The following IRGM variants were observed in gnomAD, a reference collection of about 807,000 sequenced individuals.
The protein encoded by IRGM is immunity related GTPase M.
For synonymous variants in IRGM, 98 were observed against 80.6 expected, an observed-to-expected ratio of 1.22 and a Z score of -1.16; for missense variants, 288 against 219.9, an observed-to-expected ratio of 1.31 and a Z score of -1.96.
chr5:150,864,910 C>T lies in IRGM; in HGVS notation c.159-13070C>T, dbSNP rs186811786. 4.0e-3 allele frequency among the ~76,000 whole-genome samples: 614 copies of T among 152,320 alleles called. 8 individuals carry two copies. The highest frequency in any genetic ancestry group is 0.014 in the African/African-American group (574 of 41,570). ...CTGGATGACTGATTATTGCTCTTGA[C>T]GATGGGCGTGTCCTGATGCTTCATG... On this transcript the variant is annotated intron_variant and NMD_transcript_variant, in intron 1 of 3. Coordinates refer to the IRGM transcript ENST00000520549.
At chr5:150,896,962 T>C (rs763118318) in intron 3 of IRGM, 7 of 1,608,686 alleles carry the variant, frequency 4.4e-6, no homozygotes, top group Non-Finnish European at 5.9e-6. Flanking sequence ...TTGTGAAGGT[T>C]ACTCTTCCTG....
rs1196540157 is a variant in IRGM, at chr5:150,847,258, GC to G, written c.-416+39del. On this transcript the variant is annotated intron_variant, in intron 1 of 1. Coordinates refer to ENST00000522154, the MANE Select transcript of IRGM (RefSeq NM_001145805.2). ...CAGGGATGATCACAGCTTCAAGTAA[GC>G]AATGGGAATTGGATGTTTTATGTCC... The G allele has an allele frequency of 3.9e-5, 6 of 152,540 alleles. No homozygotes were observed. In the East Asian group the frequency reaches 1.1e-3, roughly 29 times the overall value. The allele number at this position is 152,540 out of a possible 1,614,324, so 9.4% of individuals were successfully genotyped here. A position where few individuals can be genotyped will look rare whatever the true frequency, so the allele number is the denominator to read the frequency against.
chr5:150,878,692 T>C (rs1754401579), intron 2 of IRGM, among the ~76,000 whole-genome samples: 1 of 152,058 alleles, frequency 6.6e-6, no homozygotes, highest in Non-Finnish European at 1.5e-5. Flanking sequence ...CATCCAAATA[T>C]GTATATTTAT....
intron 3 of IRGM, among the ~76,000 whole-genome samples, chr5:150,900,363 G>T (rs1318257324): frequency 6.6e-6 from 1 of 151,926 alleles, no homozygotes; most frequent in Non-Finnish European, 1.5e-5. Flanking sequence ...TTTTACAAAT[G>T]CTGCTTCCTG....
At chr5:150,895,568 G>A (rs1370530283) in intron 3 of IRGM, 1 of 1,613,426 alleles carries the variant, frequency 6.2e-7, no homozygotes, top group Admixed American at 1.7e-5. Flanking sequence ...TCTGAGAAAA[G>A]GCCTTTCCAC....
intron 3 of IRGM, chr5:150,895,915 A>G: frequency 6.2e-7 from 1 of 1,613,472 alleles, no homozygotes; most frequent in Non-Finnish European, 8.5e-7. Context: ...GCTTCCTCAC[A>G]TTGAGCACAT....
chr5:150,851,835 A>G (rs1262334445), downstream of IRGM, among the ~76,000 whole-genome samples: 1 of 152,236 alleles, frequency 6.6e-6, no homozygotes, highest in African/African-American at 2.4e-5. Flanking sequence ...TGAATCTGGA[A>G]TTTGTGAAGT....
intron 3 of IRGM, chr5:150,895,222 A>G: frequency 2.0e-6 from 1 of 491,374 alleles, no homozygotes; most frequent in East Asian, 3.1e-5. Flanking sequence ...AAAGCTTTAC[A>G]TGCCATATTA....
At chr5:150,849,388 G>A (rs1196333541), downstream of IRGM, among the ~76,000 whole-genome samples, 3 of 152,070 alleles carry the variant, frequency 2.0e-5, no homozygotes, top group African/African-American at 7.2e-5. Context: ...TAACTTGCAA[G>A]TGACAAGAAA....
chr5:150,848,576 C>A lies in IRGM; in HGVS notation c.453C>A (p.Asp151Glu). ...FYIVWTKLDM[D>E]LSTGALPEVQ... The stretch of plus-strand genomic sequence containing the variant: ...TTGTCTGGACCAAGCTAGACATGGA[C>A]CTCAGCACAGGTGCCCTCCCAGAAG... Residue 151 changes from aspartate (D) to glutamate (E), a missense_variant, in exon 2 of 2, where the codon GAC (aspartate) becomes GAA (glutamate). Asp to Glu is a conservative substitution (Grantham distance 45, BLOSUM62 2). Transcript: ENST00000522154. The A allele has an allele frequency of 1.9e-6, 3 of 1,551,676 alleles. No individual in the cohort carries two copies. The highest frequency in any genetic ancestry group is 2.6e-6 in the Non-Finnish European group (3 of 1,146,830).
At chr5:150,852,675 T>A (rs1227738546), downstream of IRGM, among the ~76,000 whole-genome samples, 1 of 152,118 alleles carries the variant, frequency 6.6e-6, no homozygotes. Flanking sequence ...TAAAGCCATA[T>A]TCTGCAGAGA....
At chr5:150,896,708 TG>T in intron 3 of IRGM, 1 of 1,613,586 alleles carries the variant, frequency 6.2e-7, no homozygotes, top group Non-Finnish European at 8.5e-7. Context: ...TTGATATATC[TG>T]TTTCTATGCA....
In IRGM at chr5:150,896,883, C is replaced by T. The variant is rs753958498; in HGVS notation, c.*141-3706C>T. The T allele has an allele frequency of 2.5e-6, 4 of 1,613,450 alleles. No individual in the cohort carries two copies. In the South Asian group the frequency reaches 3.3e-5, roughly 13 times the overall value. ...GACTTTTAAAATGGAGCACAATGAA[C>T]CATCCCTTGTGACTCCTTTCAGTAT... On this transcript the variant is annotated intron_variant and NMD_transcript_variant, in intron 3 of 3. Transcript: ENST00000520549.
rs147123694 is a variant in IRGM, at chr5:150,873,457, G to T, written c.159-4523G>T. Among the ~76,000 whole-genome samples the T allele has an allele frequency of 7.7e-3, 1,168 of 152,228 alleles. 20 individuals carry two copies. Among genetic ancestry groups the T allele is most frequent in the African/African-American group, 0.027 (1,108 of 41,520 alleles). On this transcript the variant is annotated intron_variant and NMD_transcript_variant, in intron 1 of 3. Coordinates refer to the IRGM transcript ENST00000520549. ...CCATCCTTCCCCAAGGAGACCTCTG[G>T]CCTTTTACCAGGATAACTATGCACT...
chr5:150,899,952 AGTCTCATCTCAGTCATCTCAAATCTC>A (rs1432656310), intron 3 of IRGM, among the ~76,000 whole-genome samples: 1 of 151,938 alleles, frequency 6.6e-6, no homozygotes, highest in Non-Finnish European at 1.5e-5. Context: ...TTGCTAACAC[AGTCTCATCTCAGTCATCTCAAATCTC>A]AAGCTTTCTC....
chr5:150,850,097 G>A (rs1753952765), downstream of IRGM, among the ~76,000 whole-genome samples: 2 of 152,174 alleles, frequency 1.3e-5, no homozygotes, highest in Admixed American at 1.3e-4. Context: ...AGCCAGGCTG[G>A]TTTTAAACTC....
At chr5:150,880,503 G>A (rs1450573029) in intron 3 of IRGM, among the ~76,000 whole-genome samples, 3 of 152,162 alleles carry the variant, frequency 2.0e-5, no homozygotes, top group Non-Finnish European at 4.4e-5. Flanking sequence ...CCCACTGAGT[G>A]TTGCCTGTGA....
At chr5:150,863,159 T>C (rs566644301) in intron 1 of IRGM, among the ~76,000 whole-genome samples, 22 of 152,332 alleles carry the variant, frequency 1.4e-4, no homozygotes, top group African/African-American at 4.8e-4. Context: ...AAAACAGAAT[T>C]TCATATGTGC....
At chr5:150,883,006 T>C (rs1187344245) in intron 3 of IRGM, among the ~76,000 whole-genome samples, 1 of 152,148 alleles carries the variant, frequency 6.6e-6, no homozygotes. Context: ...ATTAAAATTA[T>C]TTCAATTATC....
Sources: allele counts gnomAD v4.1 joint callset (sites outside exome capture counted in the v4.1 genomes callset), GRCh38; gene constraint gnomAD v4.1.1; transcripts MANE v1.5; gene names NCBI Gene and HGNC (gene_info 2026-07-23, HGNC 2026-07-21).